Variants in SRGAP3 observed in about 807,000 individuals in gnomAD.
The protein encoded by SRGAP3 is SLIT-ROBO Rho GTPase-activating protein 3.
Under a neutral mutation model 121.1 loss-of-function variants are expected in SRGAP3, and 39 were observed. That is an observed-to-expected ratio of 0.32 (90% CI 0.25 to 0.42). The LOEUF is 0.42. SRGAP3 is among the 10% of genes least tolerant of loss of function. The pLI is 1.00. For synonymous variants in SRGAP3, 601 were observed against 570.0 expected (o/e 1.05, Z -0.77); for missense variants, 1,213 against 1,470.6 (o/e 0.82, Z 2.86).
intron 3 of SRGAP3, among the ~76,000 whole-genome samples, chr3:9,288,244 T>C (rs2125269034): frequency 6.6e-6 from 1 of 151,834 alleles, no homozygotes; most frequent in African/African-American, 2.4e-5. Flanking sequence ...TTCAAGTGAT[T>C]ATCCTGCCTC....
At chr3:9,163,986 CTTTTTTTTTT>C (rs767652463) in intron 1 of SRGAP3, among the ~76,000 whole-genome samples, 8 of 83,316 alleles carry the variant, frequency 9.6e-5, no homozygotes, top group Non-Finnish European at 1.7e-4. Flanking sequence ...AACTACTATT[CTTTTTTTTTT>C]TTTTTTTTTT....
At position 9,013,448 on chromosome 3, in the gene SRGAP3, C is replaced by T. The variant is rs760920151; in HGVS notation, c.2007G>A (p.Gly669=). The change falls in exon 17 of 22, where the codon GGG becomes GGA. Residue 669 remains glycine, a synonymous_variant. Coordinates refer to ENST00000383836, the MANE Select transcript of SRGAP3 (RefSeq NM_014850.4). ...GTGCCTGGCAGGACACAGGGTCCTG[C>T]CCATCAGGGATGTGCATGAGGGTAG... ...FGPTLMHIPD[G]QDPVSCQAHI... is the part of the protein sequence containing the mutation. 6.2e-7 allele frequency: 1 copy of T among 1,614,030 alleles called. No homozygotes were observed. The highest frequency in any genetic ancestry group is 8.5e-7 in the Non-Finnish European group (1 of 1,180,002).
chr3:9,014,224 T>C (rs545982624), intron 15 of SRGAP3: 18 of 315,674 alleles, frequency 5.7e-5, no homozygotes, highest in Non-Finnish European at 1.1e-4. Flanking sequence ...GCTGATGCCG[T>C]GTGAAGGTCT....
chr3:9,323,798 AAC>A (rs139013302), intron 3 of SRGAP3, among the ~76,000 whole-genome samples: 3,398 of 148,780 alleles, frequency 0.023, 62 homozygotes, highest in Middle Eastern at 0.031. Context: ...CTGTGTATCT[AAC>A]ACACACACAC....
At chr3:9,233,463 C>T (rs1401881470) in intron 1 of SRGAP3, among the ~76,000 whole-genome samples, 1 of 152,216 alleles carries the variant, frequency 6.6e-6, no homozygotes, top group African/African-American at 2.4e-5. Context: ...ACTCATCCCA[C>T]GATGGTATTT....
chr3:9,106,347 C>G (rs567381532), intron 2 of SRGAP3, among the ~76,000 whole-genome samples: 1 of 152,296 alleles, frequency 6.6e-6, no homozygotes, highest in Non-Finnish European at 1.5e-5. Context: ...AGGGGAGAGG[C>G]CCTTCCACCA....
chr3:9,017,587 G>T (rs1943702928), intron 14 of SRGAP3, among the ~76,000 whole-genome samples: 1 of 152,196 alleles, frequency 6.6e-6, no homozygotes, highest in South Asian at 2.1e-4. Flanking sequence ...GGTGGCCAGG[G>T]TATGGAGGAT....
intron 1 of SRGAP3, among the ~76,000 whole-genome samples, chr3:9,214,748 T>A (rs978945248): frequency 2.7e-4 from 41 of 152,098 alleles, no homozygotes; most frequent in Admixed American, 2.4e-3. Flanking sequence ...GACCAGGAAT[T>A]TGGGGGTAAG....
intron 1 of SRGAP3, among the ~76,000 whole-genome samples, chr3:9,182,306 A>G (rs1951439185): frequency 6.6e-6 from 1 of 152,140 alleles, no homozygotes; most frequent in Non-Finnish European, 1.5e-5. Context: ...TCATCAGGGC[A>G]TGTCCTGATC....
At chr3:9,148,337 C>G (rs779486234) in intron 1 of SRGAP3, among the ~76,000 whole-genome samples, 13 of 152,148 alleles carry the variant, frequency 8.5e-5, no homozygotes, top group Non-Finnish European at 1.8e-4. Flanking sequence ...GCTACAAGCA[C>G]CAGCAATTTT....
chr3:9,227,016 A>G (rs1953009296), intron 1 of SRGAP3, among the ~76,000 whole-genome samples: 1 of 152,158 alleles, frequency 6.6e-6, no homozygotes, highest in Admixed American at 6.5e-5. Flanking sequence ...ACAGGAGCCA[A>G]GCAGGCAACA....
At chr3:9,084,117 C>T (rs1283282230) in intron 3 of SRGAP3, among the ~76,000 whole-genome samples, 2 of 152,162 alleles carry the variant, frequency 1.3e-5, no homozygotes, top group East Asian at 3.9e-4. Context: ...CTTTCTCAAT[C>T]CAATCTGTTA....
intron 15 of SRGAP3, chr3:9,014,166 T>C: frequency 2.6e-5 from 11 of 420,804 alleles, no homozygotes; most frequent in South Asian, 2.4e-4. Flanking sequence ...GAGAGGAGGA[T>C]CCCACCTAAG....
chr3:9,201,991 A>C (rs1380941917), intron 1 of SRGAP3, among the ~76,000 whole-genome samples: 1 of 152,012 alleles, frequency 6.6e-6, no homozygotes. Context: ...TTCAACTTCC[A>C]GAAAAAAGTC....
chr3:9,011,441 G>A (rs1943371181), intron 17 of SRGAP3, among the ~76,000 whole-genome samples: 1 of 152,152 alleles, frequency 6.6e-6, no homozygotes, highest in African/African-American at 2.4e-5. Context: ...CCAACCTGTG[G>A]AGCCTCATCC....
intron 2 of SRGAP3, among the ~76,000 whole-genome samples, chr3:9,326,974 C>G (rs943938840): frequency 6.6e-6 from 1 of 151,754 alleles, no homozygotes; most frequent in African/African-American, 2.4e-5. Context: ...CTTTCTTTCC[C>G]TTCCCCGCTT....
chr3:9,198,292 G>A (rs1145154), intron 1 of SRGAP3, among the ~76,000 whole-genome samples: 1 of 152,192 alleles, frequency 6.6e-6, no homozygotes, highest in East Asian at 1.9e-4. Context: ...AATGTTTGTC[G>A]TGCCTTTTAT....
chr3:8,990,793 C>T lies in SRGAP3; in HGVS notation c.2605G>A (p.Gly869Arg), dbSNP rs199709391. The T allele has an allele frequency of 1.4e-5, 23 of 1,589,012 alleles. No homozygotes were observed. Among genetic ancestry groups the T allele is most frequent in the Middle Eastern group, 1.7e-4 (1 of 5,960 alleles). Reference protein sequence around the residue: ...DGAAIPRRRSGGDTHSPPRGL... With the variant: ...DGAAIPRRRSRGDTHSPPRGL... ...CGGGGCGGGCTGTGTGTGTCGCCCC[C>T]GCTTCGGCGTCTGGGGATGGCTGCT... Residue 869 changes from glycine to arginine, a missense_variant, in exon 21 of 22, where the codon GGG becomes AGG. Coordinates refer to ENST00000383836, the MANE Select transcript of SRGAP3 (RefSeq NM_014850.4).
intron 13 of SRGAP3, among the ~76,000 whole-genome samples, chr3:9,025,906 T>C (rs1027664374): frequency 2.6e-5 from 4 of 152,250 alleles, no homozygotes; most frequent in African/African-American, 9.6e-5. Flanking sequence ...TTCCACATTA[T>C]AATTTAGGAA....
Sources: allele counts gnomAD v4.1 joint callset (sites outside exome capture counted in the v4.1 genomes callset), GRCh38; gene constraint gnomAD v4.1.1; transcripts MANE v1.5; gene names NCBI Gene and HGNC (gene_info 2026-07-23, HGNC 2026-07-21).